Variants in MCPH1 observed in about 807,000 individuals in gnomAD.
MCPH1 encodes the protein microcephalin.
MCPH1 carries 104 observed loss-of-function variants against 84.5 expected under a neutral mutation model. The ratio of observed to expected loss-of-function variants is 1.23; its 90% CI spans 1.05 to 1.45. The LOEUF is 1.45. MCPH1 is among the 40% of genes most tolerant of loss of function. The pLI is 0.00. For missense variants in MCPH1, 1,498 were observed against 1,005.7 expected (o/e 1.49, Z -6.62); for synonymous variants, 514 against 366.8 (o/e 1.40, Z -4.58).
At chr8:6,593,415 C>A (rs571757299) in intron 12 of MCPH1, among the ~76,000 whole-genome samples, 1 of 151,748 alleles carries the variant, frequency 6.6e-6, no homozygotes, top group African/African-American at 2.4e-5. Context: ...AGTGCAATGG[C>A]GCGATCTTGG....
chr8:6,553,515 A>T (rs751882025), intron 12 of MCPH1, among the ~76,000 whole-genome samples: 2 of 152,142 alleles, frequency 1.3e-5, no homozygotes, highest in Non-Finnish European at 2.9e-5. Context: ...GATTTTCTTG[A>T]ATCTGATCAT....
Position 6,608,388 on chromosome 8 carries a change from C to A in MCPH1, c.2215-13066C>A, listed in dbSNP as rs61422368. 5.3e-3 allele frequency among the ~76,000 whole-genome samples: 804 copies of A among 152,338 alleles called. 5 individuals carry two copies. The highest frequency in any genetic ancestry group is 0.019 in the African/African-American group (777 of 41,574). ...TGTATCCATCAAAAAGGAAGCTCATCTTTCACTGGGTGTCTTTCTAATTGT... is the reference window on the plus strand; with the variant it reads ...TGTATCCATCAAAAAGGAAGCTCATATTTCACTGGGTGTCTTTCTAATTGT... On this transcript the variant is annotated intron_variant, in intron 12 of 13. Transcript: ENST00000344683.
intron 12 of MCPH1, chr8:6,513,869 A>G (rs373029452): frequency 7.0e-5 from 110 of 1,580,666 alleles, no homozygotes; most frequent in Non-Finnish European, 8.3e-5. Context: ...GTTAAATTCA[A>G]TTATTTCATG....
intron 12 of MCPH1, among the ~76,000 whole-genome samples, chr8:6,594,292 G>A (rs188524542): frequency 2.6e-5 from 4 of 152,338 alleles, no homozygotes; most frequent in South Asian, 2.1e-4. Flanking sequence ...GCCATGAGCC[G>A]GGTGAGAGTG....
chr8:6,569,807 G>T (rs1826509372), intron 12 of MCPH1, among the ~76,000 whole-genome samples: 1 of 152,196 alleles, frequency 6.6e-6, no homozygotes, highest in South Asian at 2.1e-4. Context: ...TCACCTCTGT[G>T]CAGCACAAAC....
rs79036233 is a variant in MCPH1 at position 6,480,950 on chromosome 8, A to G, written c.2136+74A>G. On this transcript the variant is annotated intron_variant, in intron 11 of 13. Transcript: ENST00000344683. ...GAGTGGGTCACCCTGAGGTGCCGACATCAGCACTCAGGCCGGCGTGCACCC... is the reference window on the plus strand; with the variant it reads ...GAGTGGGTCACCCTGAGGTGCCGACGTCAGCACTCAGGCCGGCGTGCACCC... 2,028 of 1,542,544 alleles carry G rather than the reference A, an allele frequency of 1.3e-3. 25 individuals carry two copies. The African/African-American group carries it at 0.024, about 18-fold the overall frequency.
intron 12 of MCPH1, chr8:6,616,435 A>C (rs1166986916): frequency 6.6e-6 from 1 of 152,392 alleles, no homozygotes; most frequent in South Asian, 2.1e-4. Context: ...TCAACAGTAC[A>C]GTCTGCCTTA....
intron 12 of MCPH1, among the ~76,000 whole-genome samples, chr8:6,547,397 C>G (rs1407037437): frequency 6.6e-6 from 1 of 152,096 alleles, no homozygotes; most frequent in African/African-American, 2.4e-5. Flanking sequence ...GCAATGGAAG[C>G]TAGTGGAAAT....
intron 12 of MCPH1, among the ~76,000 whole-genome samples, chr8:6,532,848 C>A (rs528264562): frequency 1.3e-5 from 2 of 152,184 alleles, no homozygotes; most frequent in South Asian, 2.1e-4. Flanking sequence ...TCCTACCCAG[C>A]TGCAACTCTG....
intron 11 of MCPH1, among the ~76,000 whole-genome samples, chr8:6,496,706 C>G (rs987148893): frequency 2.0e-5 from 3 of 152,234 alleles, no homozygotes; most frequent in East Asian, 3.9e-4. Context: ...GTAATGTTGC[C>G]TATCAAAAAT....
chr8:6,556,280 CAT>C (rs1302334012), intron 12 of MCPH1, among the ~76,000 whole-genome samples: 2 of 152,098 alleles, frequency 1.3e-5, no homozygotes, highest in East Asian at 3.8e-4. Flanking sequence ...ATTTCAGAAT[CAT>C]ATAATTATAC....
chr8:6,635,204 G>A (rs1390069653), intron 13 of MCPH1: 1 of 152,218 alleles, frequency 6.6e-6, no homozygotes, highest in Non-Finnish European at 1.5e-5. Context: ...TGAGGCTCCG[G>A]TTGTTCATTT....
In MCPH1 at chr8:6,451,005, G is replaced by C. The variant is rs559176543; in HGVS notation, c.1826-4138G>C. On this transcript the variant is annotated intron_variant, in intron 8 of 13. Transcript: ENST00000344683. ...TTACAGTTGTGAGCCACTGTGCCCA[G>C]CCTATGGTATAGTACATTTTGCAAA... 3.9e-5 allele frequency among the ~76,000 whole-genome samples: 6 copies of C among 152,298 alleles called. No individual in the cohort carries two copies. In the South Asian group the frequency reaches 1.2e-3, roughly 32 times the overall value.
At chr8:6,536,294 G>T (rs773140218) in intron 12 of MCPH1, among the ~76,000 whole-genome samples, 3 of 152,102 alleles carry the variant, frequency 2.0e-5, no homozygotes, top group African/African-American at 7.2e-5. Flanking sequence ...GCTGTGTCGG[G>T]ATCCCAGGCG....
intron 12 of MCPH1, among the ~76,000 whole-genome samples, chr8:6,531,522 C>A (rs975402194): frequency 2.6e-5 from 4 of 152,096 alleles, no homozygotes; most frequent in Admixed American, 6.5e-5. Flanking sequence ...GAACTCCTGA[C>A]CTCAGGTGAT....
chr8:6,526,063 G>C (rs62496862), intron 12 of MCPH1, among the ~76,000 whole-genome samples: 124 of 152,110 alleles, frequency 8.2e-4, no homozygotes, highest in Middle Eastern at 3.4e-3. Flanking sequence ...GTAATCTCCA[G>C]CTCCCATGTG....
At chr8:6,424,020 GC>G (rs1429099952) in intron 3 of MCPH1, among the ~76,000 whole-genome samples, 1 of 152,152 alleles carries the variant, frequency 6.6e-6, no homozygotes, top group African/African-American at 2.4e-5. Flanking sequence ...TGAACTGCCT[GC>G]CTTTCCAATG....
rs538987338 is a variant in MCPH1, at chr8:6,542,799, TTTTTTC to T, written c.2214+42877_2214+42882del. Reference sequence around the variant, plus strand: ...CATGATCATCTCTGAAGTGGGCAGTTTTTTTCTTTTTCCAATAAACTGAATTTACTT... The same window carrying T: ...CATGATCATCTCTGAAGTGGGCAGTTTTTTTCCAATAAACTGAATTTACTT... On this transcript the variant is annotated intron_variant, in intron 12 of 13. Transcript: ENST00000344683. Among the ~76,000 whole-genome samples the T allele has an allele frequency of 2.3e-4, 35 of 152,226 alleles. 1 individual carries two copies. In the South Asian group the frequency reaches 7.3e-3, roughly 32 times the overall value.
chr8:6,505,221 ATTC>A (rs1332709643), intron 12 of MCPH1, among the ~76,000 whole-genome samples: 1 of 68,224 alleles, frequency 1.5e-5, no homozygotes. Flanking sequence ...ATATATATAT[ATTC>A]TTATGTATAT....
Sources: allele counts gnomAD v4.1 joint callset (sites outside exome capture counted in the v4.1 genomes callset), GRCh38; gene constraint gnomAD v4.1.1; transcripts MANE v1.5; gene names NCBI Gene and HGNC (gene_info 2026-07-23, HGNC 2026-07-21).